Variants in SLIT2 observed in about 807,000 individuals in gnomAD.
The protein encoded by SLIT2 is slit guidance ligand 2, also known as slit homolog 2 protein.
SLIT2 carries 41 observed loss-of-function variants against 185.7 expected under a neutral mutation model. The ratio of observed to expected loss-of-function variants is 0.22; its 90% CI spans 0.17 to 0.29. The LOEUF is 0.29. SLIT2 is among the 10% of genes least tolerant of loss of function. The probability of loss-of-function intolerance (pLI) is 1.00; values close to 1 mark genes in which losing one functional copy is unlikely to be tolerated. For missense variants in SLIT2, 1,571 were observed against 1,909.0 expected, an observed-to-expected ratio of 0.82 and a Z score of 3.30; for synonymous variants, 693 against 680.2, an observed-to-expected ratio of 1.02 and a Z score of -0.29.
chr4:20,388,982 A>G (rs1327017188), intron 4 of SLIT2, among the ~76,000 whole-genome samples: 1 of 147,946 alleles, frequency 6.8e-6, no homozygotes, highest in African/African-American at 2.5e-5. Context: ...CAAAATATAT[A>G]TATGTATATA....
intron 4 of SLIT2, among the ~76,000 whole-genome samples, chr4:20,280,608 A>G (rs1714655122): frequency 6.6e-6 from 1 of 152,128 alleles, no homozygotes; most frequent in South Asian, 2.1e-4. Flanking sequence ...GAAGGAGATC[A>G]AAATACATCT....
intron 4 of SLIT2, among the ~76,000 whole-genome samples, chr4:20,368,791 T>C (rs993040543): frequency 3.3e-5 from 5 of 152,158 alleles, no homozygotes; most frequent in African/African-American, 1.2e-4. Context: ...TGAGGAAGTA[T>C]TGTATATCCT....
chr4:20,566,687 T>C (rs1322457373), intron 26 of SLIT2, among the ~76,000 whole-genome samples: 1 of 151,860 alleles, frequency 6.6e-6, no homozygotes, highest in Non-Finnish European at 1.5e-5. Flanking sequence ...ATGAGGGAGA[T>C]GATAATGAAG....
At chr4:20,309,383 CT>C (rs201794333) in intron 4 of SLIT2, among the ~76,000 whole-genome samples, 12 of 151,178 alleles carry the variant, frequency 7.9e-5, no homozygotes, top group African/African-American at 2.7e-4. Flanking sequence ...TTTAACAGAT[CT>C]TTTTTTTTCT....
At chr4:20,554,081 A>T (rs1286858320) in intron 26 of SLIT2, 113 bp downstream of exon 26, 1 of 878,412 alleles carries the variant, frequency 1.1e-6, no homozygotes, top group Non-Finnish European at 1.7e-6. Context: ...GTAAATGATT[A>T]TTTTTTCAGC....
At chr4:20,514,570 G>C (rs1451179007) in intron 11 of SLIT2, among the ~76,000 whole-genome samples, 1 of 152,022 alleles carries the variant, frequency 6.6e-6, no homozygotes, top group Non-Finnish European at 1.5e-5. Context: ...TCTTGAACCC[G>C]GGAGACGAAT....
rs749468134 is a variant in SLIT2 at position 20,598,376 on chromosome 4, C to T, written c.3673C>T (p.Pro1225Ser). 5 of 1,613,948 alleles carry T rather than the reference C, an allele frequency of 3.1e-6. No homozygotes were observed. Among genetic ancestry groups the T allele is most frequent in the African/African-American group, 1.3e-5 (1 of 74,912 alleles). Residue 1225 changes from proline (P) to serine (S), a missense_variant, in exon 33 of 37, where the codon CCA becomes TCA. Pro to Ser is a moderately conservative substitution (Grantham distance 74). Around this residue, in one of 3 missense-constraint regions of SLIT2, gnomAD observed 146 missense variants for 247.4 expected, o/e 0.59. Coordinates refer to ENST00000504154, the MANE Select transcript of SLIT2 (RefSeq NM_004787.4). ...TGCCAGCTATGACACCGGCTCTCAT[C>T]CAGCTTCTGCCATTTACAGGTGAAG... ...VRASYDTGSH[P>S]ASAIYSVETI...
intron 4 of SLIT2, among the ~76,000 whole-genome samples, chr4:20,407,522 C>T (rs1726868594): frequency 6.6e-6 from 1 of 152,150 alleles, no homozygotes; most frequent in South Asian, 2.1e-4. Context: ...CTTCGACTAC[C>T]CTCCTTCAGC....
In SLIT2 at chr4:20,510,736, C is replaced by T. The variant is rs559468011; in HGVS notation, c.986+170C>T. 7.6e-4 allele frequency among the ~76,000 whole-genome samples: 115 copies of T among 152,122 alleles called. 1 individual carries two copies. The highest frequency in any genetic ancestry group is 2.5e-3 in the African/African-American group (103 of 41,522). Reference sequence around the variant, plus strand: ...TAATATTTTAATCTTAATATCTAAACTATGTAATTTTTAAAGGTCTGTAAT... The same window carrying T: ...TAATATTTTAATCTTAATATCTAAATTATGTAATTTTTAAAGGTCTGTAAT... On this transcript the variant is annotated intron_variant, in intron 10 of 36. Coordinates refer to ENST00000504154, the MANE Select transcript of SLIT2 (RefSeq NM_004787.4).
At chr4:20,599,041 G>T (rs1728208322) in intron 33 of SLIT2, among the ~76,000 whole-genome samples, 1 of 152,082 alleles carries the variant, frequency 6.6e-6, no homozygotes, top group African/African-American at 2.4e-5. Flanking sequence ...ATACCTCAGA[G>T]GTTTATTGAG....
chr4:20,585,080 C>CA lies in SLIT2; in HGVS notation c.3089-4555dup, dbSNP rs965566290. On this transcript the variant is annotated intron_variant, in intron 29 of 36. Transcript: ENST00000504154. ...AAAAAAAACAAAAAACAAAAAACAA[C>CA]AAAAAAAAACAACCTCTATGTCAAA... is the stretch of plus-strand genomic sequence containing the variant. Among the ~76,000 whole-genome samples, 145 of 150,510 alleles carry CA rather than the reference C, an allele frequency of 9.6e-4. 1 individual carries two copies. The highest frequency in any genetic ancestry group is 2.5e-3 in the South Asian group (12 of 4,736).
chr4:20,488,647 A>C (rs1269802388), intron 7 of SLIT2, among the ~76,000 whole-genome samples, 172 bp from the exon 8 acceptor site: 1 of 152,256 alleles, frequency 6.6e-6, no homozygotes, highest in African/African-American at 2.4e-5. Context: ...AGTTCAGACT[A>C]AATGAAGAGA....
chr4:20,589,975 G>A lies in SLIT2; in HGVS notation c.3182+238G>A, dbSNP rs375394294. Among the ~76,000 whole-genome samples the A allele has an allele frequency of 1.1e-4, 15 of 139,596 alleles. 1 individual carries two copies. The East Asian group carries it at 1.9e-3, about 18-fold the overall frequency. 91.6% of individuals were successfully genotyped at this position (139,596 alleles called of 152,430 possible). A position where few individuals can be genotyped will look rare whatever the true frequency, so the allele number is the denominator to read the frequency against. ...AGCTGGAGTGCAGTGGCACGATCTCGGCTCACTACAACCTCCTCCTCCCAG... is the reference window on the plus strand; with the variant it reads ...AGCTGGAGTGCAGTGGCACGATCTCAGCTCACTACAACCTCCTCCTCCCAG... On this transcript the variant is annotated intron_variant, in intron 30 of 36. Coordinates refer to ENST00000504154, the MANE Select transcript of SLIT2 (RefSeq NM_004787.4).
In SLIT2 at chr4:20,254,004, C is replaced by G. The variant is rs761687282; in HGVS notation, c.179+10C>G. ...GCAACACCGAGAGACTGTGAGTATG[C>G]GCTCTTCGTCTTCCCCTCTCCCCAT... On this transcript the variant is annotated intron_variant, in intron 1 of 36. Transcript: ENST00000504154. The surrounding 1 kb of genome is among the most constrained non-coding windows in gnomAD (Gnocchi z 5.1). 2 of 1,596,640 alleles carry G rather than the reference C, an allele frequency of 1.3e-6. No individual in the cohort carries two copies. Among genetic ancestry groups the G allele is most frequent in the Admixed American group, 3.4e-5 (2 of 59,620 alleles).
chr4:20,318,495 G>A (rs1435334254), intron 4 of SLIT2, among the ~76,000 whole-genome samples: 4 of 152,146 alleles, frequency 2.6e-5, no homozygotes, highest in African/African-American at 7.2e-5. Flanking sequence ...ATGATGAAAC[G>A]AATTAAAAGT....
chr4:20,257,751 C>A, intron 2 of SLIT2, 117 bp from the exon 3 acceptor site: 1 of 685,818 alleles, frequency 1.5e-6, no homozygotes, highest in South Asian at 1.7e-5. Flanking sequence ...GATCTCAAAT[C>A]AGAGCACAAT....
At chr4:20,424,807 A>G (rs939254426) in intron 4 of SLIT2, among the ~76,000 whole-genome samples, 10 of 152,096 alleles carry the variant, frequency 6.6e-5, no homozygotes, top group Non-Finnish European at 1.0e-4. Context: ...TTTCATCTCT[A>G]TATATCCCTT....
intron 30 of SLIT2, 44 bp downstream of exon 30, chr4:20,589,781 C>T (rs1727353882): frequency 1.4e-6 from 2 of 1,434,192 alleles, no homozygotes; most frequent in Non-Finnish European, 2.0e-6. Context: ...GGGTAGGGGA[C>T]CCATTATTTT....
chr4:20,548,293 AAC>A (rs1723434140), intron 22 of SLIT2, among the ~76,000 whole-genome samples, 193 bp from the exon 23 acceptor site: 1 of 152,104 alleles, frequency 6.6e-6, no homozygotes. Flanking sequence ...CTAATTTCAA[AAC>A]AGTGAGGTGT....
Sources: gnomAD v4.1 joint callset for allele counts (sites outside exome capture counted in the v4.1 genomes callset) on GRCh38, gnomAD v4.1.1 for gene constraint, gnomAD v4.1.1 regional missense constraint, Gnocchi (gnomAD v3.1) non-coding constraint, MANE v1.5 for transcripts, NCBI Gene and HGNC (gene_info 2026-07-23, HGNC 2026-07-21) for gene names.